Variants in TNFSF18 observed in about 807,000 individuals in gnomAD.
TNFSF18 encodes the protein tumor necrosis factor ligand superfamily member 18.
TNFSF18 carries 6 observed loss-of-function variants against 9.6 expected under a neutral mutation model. The observed-to-expected ratio is 0.63, with a 90% CI of 0.34 to 1.24. The LOEUF (loss-of-function observed/expected upper bound fraction) is 1.24, where lower values mean the gene tolerates loss of function less well. Among genes scored for constraint, TNFSF18 ranks in the 50% most tolerant of loss-of-function variants. The probability of loss-of-function intolerance (pLI) is 0.03; values close to 1 mark genes in which losing one functional copy is unlikely to be tolerated. For synonymous variants in TNFSF18, 68 were observed against 71.7 expected (o/e 0.95, Z 0.26); for missense variants, 210 against 201.0 (o/e 1.04, Z -0.27).
At chr1:173,050,097 TTAAA>T (rs1461559709) in intron 1 of TNFSF18, among the ~76,000 whole-genome samples, 1 of 152,176 alleles carries the variant, frequency 6.6e-6, no homozygotes, top group Non-Finnish European at 1.5e-5. Flanking sequence ...CATACTACCC[TTAAA>T]TAAATTCTTG....
chr1:173,043,479 G>A (rs1217139868), intron 2 of TNFSF18, among the ~76,000 whole-genome samples: 1 of 152,182 alleles, frequency 6.6e-6, no homozygotes, highest in Non-Finnish European at 1.5e-5. Flanking sequence ...AGAGAAAATA[G>A]TAGAGGAAGT....
intron 2 of TNFSF18, 99 bp from the exon 3 acceptor site, chr1:173,041,812 GTT>G: frequency 1.9e-6 from 2 of 1,046,064 alleles, no homozygotes; most frequent in Non-Finnish European, 2.6e-6. Flanking sequence ...CATACATGTT[GTT>G]TCTTTACCTG....
chr1:173,042,462 A>G (rs768163595), intron 2 of TNFSF18, among the ~76,000 whole-genome samples: 5 of 152,080 alleles, frequency 3.3e-5, no homozygotes, highest in Non-Finnish European at 5.9e-5. Context: ...TGTTCTCCTC[A>G]GTTTGTAGGT....
At chr1:173,045,314 C>G (rs984729108) in intron 1 of TNFSF18, among the ~76,000 whole-genome samples, 2 of 152,040 alleles carry the variant, frequency 1.3e-5, no homozygotes, top group Non-Finnish European at 2.9e-5. Flanking sequence ...AAAGCTGAGT[C>G]TGAAAGGAAA....
intron 1 of TNFSF18, among the ~76,000 whole-genome samples, chr1:173,047,353 G>T (rs1253624254): frequency 6.6e-6 from 1 of 152,138 alleles, no homozygotes; most frequent in East Asian, 1.9e-4. Context: ...TGTTGAAGTT[G>T]TTGGGGTTAA....
intron 1 of TNFSF18, among the ~76,000 whole-genome samples, chr1:173,049,967 C>G (rs1417390272): frequency 6.6e-6 from 1 of 152,176 alleles, no homozygotes; most frequent in East Asian, 1.9e-4. Context: ...AAATTCCTGA[C>G]AAGCATCAGG....
chr1:173,050,166 C>T (rs912016003), intron 1 of TNFSF18, among the ~76,000 whole-genome samples: 2 of 152,094 alleles, frequency 1.3e-5, no homozygotes, highest in Non-Finnish European at 2.9e-5. Flanking sequence ...TCCCCTACCA[C>T]CAGTTTTTTT....
chr1:173,041,750 A>T (rs1455963853), intron 2 of TNFSF18, 37 bp from the exon 3 acceptor site: 9 of 1,499,896 alleles, frequency 6.0e-6, no homozygotes, highest in Non-Finnish European at 8.1e-6. Flanking sequence ...AGATGAAAGC[A>T]TAGTTATTTC....
At chr1:173,042,511 A>G (rs1050143294) in intron 2 of TNFSF18, among the ~76,000 whole-genome samples, 1 of 152,144 alleles carries the variant, frequency 6.6e-6, no homozygotes, top group African/African-American at 2.4e-5. Context: ...CATTAAATAA[A>G]TCCCCCAAAA....
In TNFSF18 at chr1:173,041,531, T is replaced by C. The variant is rs748981490; in HGVS notation, c.370A>G (p.Ile124Val). Residue 124 changes from isoleucine (I) to valine (V), a missense_variant, in exon 3 of 3, where the codon ATA becomes GTA. Transcript: ENST00000404377. Reference sequence around the variant, plus strand: ...TTAGATTTGTTTGTTAGAGTTTGTATCATGTCTTTGTTTTTATACAGCCGC... The same window carrying C: ...TTAGATTTGTTTGTTAGAGTTTGTACCATGTCTTTGTTTTTATACAGCCGC... ...EVRLYKNKDM[I>V]QTLTNKSKIQ... The C allele has an allele frequency of 3.1e-6, 5 of 1,613,602 alleles. No homozygotes were observed. The highest frequency in any genetic ancestry group is 2.2e-5 in the East Asian group (1 of 44,878).
At chr1:173,042,719 G>A (rs1665012262) in intron 2 of TNFSF18, among the ~76,000 whole-genome samples, 2 of 151,966 alleles carry the variant, frequency 1.3e-5, no homozygotes, top group Non-Finnish European at 2.9e-5. Flanking sequence ...CACAGCCCCG[G>A]GAGGTGCTTT....
intron 1 of TNFSF18, among the ~76,000 whole-genome samples, chr1:173,045,423 G>A (rs925897983): frequency 1.8e-4 from 28 of 152,318 alleles, no homozygotes; most frequent in Middle Eastern, 3.4e-3. Flanking sequence ...CAAGTAAGAA[G>A]AGTACAGTGA....
rs1296665937 is a variant in TNFSF18 at position 173,043,928 on chromosome 1, A to G, written c.187+11T>C. 1 of 1,610,946 alleles carries G rather than the reference A, an allele frequency of 6.2e-7. No individual in the cohort carries two copies. The highest frequency in any genetic ancestry group is 1.1e-5 in the South Asian group (1 of 90,996). ...AAGAAAAGTAAAAGACATGCAAGAT[A>G]GGTTACTCACCAAACTTAGCCATAC... On this transcript the variant is annotated intron_variant, in intron 2 of 2. Transcript: ENST00000404377.
In TNFSF18 at chr1:173,041,602, T is replaced by C; in HGVS notation, c.299A>G (p.Gln100Arg). ...ATTGTAGTTTGCATTGGGAGCCACT[T>C]GGCCATAAATTAAATATAAGCCATT... The part of the protein sequence containing the change: ...LQNGLYLIYG[Q>R]VAPNANYNDV... The change falls in exon 3 of 3, where the codon CAA (glutamine) becomes CGA (arginine). Residue 100 changes from glutamine (Q) to arginine (R), a missense_variant. Gln to Arg is a conservative substitution (Grantham distance 43). Coordinates refer to ENST00000404377, the MANE Select transcript of TNFSF18 (RefSeq NM_005092.4). 6.2e-7 allele frequency: 1 copy of C among 1,613,670 alleles called. No homozygotes were observed.
Position 173,043,987 on chromosome 1 carries a change from G to C in TNFSF18, c.157-18C>G. 2.5e-6 allele frequency: 4 copies of C among 1,609,736 alleles called. No homozygotes were observed. The highest frequency in any genetic ancestry group is 3.4e-6 in the Non-Finnish European group (4 of 1,176,194). On this transcript the variant is annotated intron_variant, in intron 1 of 2. Coordinates refer to ENST00000404377, the MANE Select transcript of TNFSF18 (RefSeq NM_005092.4). ...TTAGCAGTCTGTTGGGGAAATAAAA[G>C]ATGAATTGATTAGGATGATGACAGT...
intron 1 of TNFSF18, among the ~76,000 whole-genome samples, chr1:173,047,272 G>A (rs1484320924): frequency 2.0e-5 from 3 of 152,106 alleles, no homozygotes; most frequent in African/African-American, 4.8e-5. Context: ...ACCCATGATA[G>A]GGACGTGACA....
chr1:173,049,207 G>T (rs1043152523), intron 1 of TNFSF18, among the ~76,000 whole-genome samples: 1 of 152,148 alleles, frequency 6.6e-6, no homozygotes, highest in Non-Finnish European at 1.5e-5. Context: ...TGCAAGAACT[G>T]CTGGGTGCCT....
At position 173,041,143 on chromosome 1, in the gene TNFSF18, A is replaced by G; in HGVS notation, c.*224T>C. 2.4e-6 allele frequency: 1 copy of G among 420,694 alleles called. No individual in the cohort carries two copies. Among genetic ancestry groups the G allele is most frequent in the Non-Finnish European group, 4.2e-6 (1 of 238,556 alleles). 26.1% of individuals were successfully genotyped at this position (420,694 alleles called of 1,614,324 possible). ...CTCTGTCATCCATATTTGTTTTATC[A>G]TGGATTAATGAAGTATCTCTGCAGA... is the stretch of plus-strand genomic sequence containing the variant. On this transcript the variant is annotated 3_prime_UTR_variant, in exon 3 of 3. Transcript: ENST00000404377.
chr1:173,050,673 A>G (rs2101929386), intron 1 of TNFSF18, 68 bp downstream of exon 1: 4 of 1,067,198 alleles, frequency 3.7e-6, no homozygotes, highest in South Asian at 1.6e-5. Flanking sequence ...GACAATGATA[A>G]CAACTAGAAA....
Sources: allele counts gnomAD v4.1 joint callset (sites outside exome capture counted in the v4.1 genomes callset), GRCh38; gene constraint gnomAD v4.1.1; transcripts MANE v1.5; gene names NCBI Gene and HGNC (gene_info 2026-07-23, HGNC 2026-07-21).